Variants in GAP43 observed in about 807,000 individuals in gnomAD.
The protein encoded by GAP43 is neuromodulin.
GAP43 carries 6 observed loss-of-function variants against 18.6 expected under a neutral mutation model. That is an observed-to-expected ratio of 0.32 (90% CI 0.18 to 0.64). The LOEUF (loss-of-function observed/expected upper bound fraction) is 0.64, where lower values mean the gene tolerates loss of function less well. Ranked by LOEUF, GAP43 falls within the 30% of genes least tolerant of loss-of-function variation. The probability of loss-of-function intolerance (pLI) is 0.78; values close to 1 mark genes in which losing one functional copy is unlikely to be tolerated. For missense variants in GAP43, 292 were observed against 295.5 expected, an observed-to-expected ratio of 0.99 and a Z score of 0.09; for synonymous variants, 115 against 111.4, an observed-to-expected ratio of 1.03 and a Z score of -0.20.
Position 115,720,792 on chromosome 3 carries a change from A to G in GAP43, c.629-2A>G, listed in dbSNP as rs778502148. The stretch of plus-strand genomic sequence containing the variant: ...CCCATCCTATCTTGTTTTCTTTCTC[A>G]GAAGCTGTAGATGAAACCAAACCTA... On this transcript the variant is annotated splice_acceptor_variant, in intron 2 of 2. Coordinates refer to ENST00000305124, the MANE Select transcript of GAP43 (RefSeq NM_002045.4). LOFTEE classifies it high-confidence loss of function. 6.2e-7 allele frequency: 1 copy of G among 1,610,380 alleles called. No homozygotes were observed. Among genetic ancestry groups the G allele is most frequent in the South Asian group, 1.1e-5 (1 of 90,862 alleles).
chr3:115,672,875 T>A (rs1457700422), intron 1 of GAP43, among the ~76,000 whole-genome samples: 2 of 152,118 alleles, frequency 1.3e-5, no homozygotes, highest in African/African-American at 4.8e-5. Context: ...TTAGTTTTCC[T>A]AAATCTCTAA....
intron 1 of GAP43, among the ~76,000 whole-genome samples, chr3:115,646,067 T>G (rs1708454535): frequency 6.6e-6 from 1 of 152,124 alleles, no homozygotes; most frequent in South Asian, 2.1e-4. Context: ...TAAACCATAT[T>G]GGATTATGCC....
intron 1 of GAP43, among the ~76,000 whole-genome samples, chr3:115,654,982 T>C (rs1254954677): frequency 6.6e-6 from 1 of 152,136 alleles, no homozygotes; most frequent in Admixed American, 6.6e-5. Flanking sequence ...TTCAGATGGT[T>C]TGGTATATTT....
chr3:115,628,793 C>G lies in GAP43; in HGVS notation c.30+5074C>G, dbSNP rs79371306. ...CATTCATTCCACTCTTCTCGTTTGACTCACTAATCCTAGGTGATCTCATCA... is the reference window on the plus strand; with the variant it reads ...CATTCATTCCACTCTTCTCGTTTGAGTCACTAATCCTAGGTGATCTCATCA... On this transcript the variant is annotated intron_variant, in intron 1 of 2. Transcript: ENST00000305124. Among the ~76,000 whole-genome samples the G allele has an allele frequency of 7.6e-3, 1,160 of 152,292 alleles. 16 individuals carry two copies. Among genetic ancestry groups the G allele is most frequent in the African/African-American group, 0.026 (1,072 of 41,558 alleles).
At chr3:115,666,490 G>C (rs1382706858) in intron 1 of GAP43, among the ~76,000 whole-genome samples, 1 of 152,156 alleles carries the variant, frequency 6.6e-6, no homozygotes, top group Non-Finnish European at 1.5e-5. Flanking sequence ...TACTCTGAGA[G>C]AATAATGGTG....
chr3:115,708,938 GGGTT>G (rs982740054), intron 2 of GAP43, among the ~76,000 whole-genome samples: 8 of 115,274 alleles, frequency 6.9e-5, no homozygotes, highest in Non-Finnish European at 1.4e-4. Flanking sequence ...ACAACTGGCT[GGGTT>G]TTTTTTTTTT....
At chr3:115,704,775 T>A (rs1265690131) in intron 2 of GAP43, among the ~76,000 whole-genome samples, 1 of 152,078 alleles carries the variant, frequency 6.6e-6, no homozygotes, top group Non-Finnish European at 1.5e-5. Context: ...TAATGGAGGA[T>A]CGCTGAATTC....
intron 1 of GAP43, among the ~76,000 whole-genome samples, chr3:115,645,150 A>C (rs1301071409): frequency 1.3e-5 from 2 of 152,060 alleles, no homozygotes; most frequent in East Asian, 3.9e-4. Context: ...TTCATTAGGA[A>C]ATCTTTATTT....
At chr3:115,673,089 A>G (rs977582830) in intron 1 of GAP43, among the ~76,000 whole-genome samples, 3 of 152,080 alleles carry the variant, frequency 2.0e-5, no homozygotes, top group African/African-American at 4.8e-5. Context: ...GGGTTGTTTA[A>G]GTGAGGTTTG....
Position 115,702,927 on chromosome 3 carries a change from G to A in GAP43, c.629-17867G>A, listed in dbSNP as rs560437165. 8.1e-4 allele frequency among the ~76,000 whole-genome samples: 124 copies of A among 152,184 alleles called. 1 individual carries two copies. Among genetic ancestry groups the A allele is most frequent in the South Asian group, 3.7e-3 (18 of 4,822 alleles). ...ACGGGAGTCCTGAGAAAGAGTTGACGCAAGTCATATGGAGAAGAGTGTTCT... is the reference window on the plus strand; with the variant it reads ...ACGGGAGTCCTGAGAAAGAGTTGACACAAGTCATATGGAGAAGAGTGTTCT... On this transcript the variant is annotated intron_variant, in intron 2 of 2. Coordinates refer to ENST00000305124, the MANE Select transcript of GAP43 (RefSeq NM_002045.4).
chr3:115,644,240 A>ATTAT lies in GAP43; in HGVS notation c.30+20535_30+20538dup, dbSNP rs1420479295. Among the ~76,000 whole-genome samples, 2 of 152,030 alleles carry ATTAT rather than the reference A, an allele frequency of 1.3e-5. No homozygotes were observed. Among genetic ancestry groups the ATTAT allele is most frequent in the South Asian group, 2.1e-4 (1 of 4,828 alleles). Reference sequence around the variant, plus strand: ...TCATTAAATTGTCAAGTGTAACTGTATTATTTATTTATTTATTGCAGGCAC... The same window carrying ATTAT: ...TCATTAAATTGTCAAGTGTAACTGTATTATTTATTTATTTATTTATTGCAGGCAC... On this transcript the variant is annotated intron_variant, in intron 1 of 2. Transcript: ENST00000305124. This position sits in a 1 kb window ranked among gnomAD's most constrained non-coding sequence, Gnocchi z 4.2.
chr3:115,647,761 A>AC (rs1553720735), intron 1 of GAP43, among the ~76,000 whole-genome samples: 56 of 145,242 alleles, frequency 3.9e-4, no homozygotes, highest in East Asian at 3.3e-3. Flanking sequence ...AAAAAAACAA[A>AC]AAAAAAAAAC....
intron 1 of GAP43, among the ~76,000 whole-genome samples, chr3:115,648,692 G>A (rs571764106): frequency 3.2e-4 from 49 of 152,184 alleles, no homozygotes; most frequent in Non-Finnish European, 4.7e-4. Flanking sequence ...ATTCATCTTC[G>A]TGGCATTAGT....
In GAP43 at chr3:115,670,522, T is replaced by C. The variant is rs531288020; in HGVS notation, c.31-5491T>C. Among the ~76,000 whole-genome samples, 7 of 152,266 alleles carry C rather than the reference T, an allele frequency of 4.6e-5. No individual in the cohort carries two copies. The East Asian group carries it at 9.6e-4, about 21-fold the overall frequency. On this transcript the variant is annotated intron_variant, in intron 1 of 2. Transcript: ENST00000305124. Reference sequence around the variant, plus strand: ...TGTCTTCTCTCTCCTCCCTAAGGGGTATTTTACTGTATTTTTGATCTTTGT... The same window carrying C: ...TGTCTTCTCTCTCCTCCCTAAGGGGCATTTTACTGTATTTTTGATCTTTGT...
At chr3:115,679,951 AT>A (rs1269503934) in intron 2 of GAP43, among the ~76,000 whole-genome samples, 1 of 152,180 alleles carries the variant, frequency 6.6e-6, no homozygotes, top group East Asian at 1.9e-4. Flanking sequence ...ATCAGTAATG[AT>A]CAAGAAAAGA....
At chr3:115,685,123 T>C (rs556064556) in intron 2 of GAP43, among the ~76,000 whole-genome samples, 2 of 152,274 alleles carry the variant, frequency 1.3e-5, no homozygotes, top group East Asian at 1.9e-4. Context: ...CAGAAGCTCA[T>C]TGGAAAGTTT....
At chr3:115,703,768 A>G (rs1296103322) in intron 2 of GAP43, among the ~76,000 whole-genome samples, 1 of 151,946 alleles carries the variant, frequency 6.6e-6, no homozygotes, top group Non-Finnish European at 1.5e-5. Flanking sequence ...AGCGTACATG[A>G]CTCTATAGAG....
chr3:115,710,640 G>A (rs536867042), intron 2 of GAP43, among the ~76,000 whole-genome samples: 1 of 152,146 alleles, frequency 6.6e-6, no homozygotes, highest in African/African-American at 2.4e-5. Context: ...TGTTTTTATT[G>A]AGACCAATTA....
chr3:115,667,764 T>G (rs1708752656), intron 1 of GAP43, among the ~76,000 whole-genome samples: 1 of 152,184 alleles, frequency 6.6e-6, no homozygotes, highest in Non-Finnish European at 1.5e-5. Context: ...TCTTGATGCA[T>G]TGGCTTCCTG....
Sources: gnomAD v4.1 joint callset for allele counts (sites outside exome capture counted in the v4.1 genomes callset) on GRCh38, gnomAD v4.1.1 for gene constraint, Gnocchi (gnomAD v3.1) non-coding constraint, MANE v1.5 for transcripts, NCBI Gene and HGNC (gene_info 2026-07-23, HGNC 2026-07-21) for gene names.